Variants in SLC24A2 observed in about 807,000 individuals in gnomAD.
SLC24A2 encodes sodium/potassium/calcium exchanger 2.
In SLC24A2, 36 loss-of-function variants were observed where a neutral mutation model predicts 62.0. The ratio of observed to expected loss-of-function variants is 0.58; its 90% CI spans 0.44 to 0.77. The LOEUF is 0.77. Ranked by LOEUF, SLC24A2 falls within the 30% of genes least tolerant of loss-of-function variation. The pLI, the probability that SLC24A2 is intolerant of heterozygous loss-of-function variation, is 0.00. For missense variants in SLC24A2, 846 were observed against 817.9 expected (o/e 1.03, Z -0.42); for synonymous variants, 358 against 294.0 (o/e 1.22, Z -2.23).
At chr9:19,566,117 A>C (rs10757077) in intron 7 of SLC24A2, among the ~76,000 whole-genome samples, 1 of 152,076 alleles carries the variant, frequency 6.6e-6, no homozygotes, top group Non-Finnish European at 1.5e-5. Context: ...TGACAAATGG[A>C]ATCGAATTAA....
At chr9:20,104,611 T>A in the SLC24A2 span, among the ~76,000 whole-genome samples, 3 of 151,936 alleles carry the variant, frequency 2.0e-5, no homozygotes, top group African/African-American at 7.3e-5. Flanking sequence ...GCTTCATAAG[T>A]GAAGGAGAAA....
At chr9:19,764,665 G>A (rs1822456801) in intron 2 of SLC24A2, among the ~76,000 whole-genome samples, 1 of 152,236 alleles carries the variant, frequency 6.6e-6, no homozygotes. Context: ...TAGTCAGAGA[G>A]ACTGTTATGA....
the SLC24A2 span, among the ~76,000 whole-genome samples, chr9:20,138,971 C>G: frequency 6.6e-6 from 1 of 152,332 alleles, no homozygotes; most frequent in East Asian, 1.9e-4. Context: ...GCCTCAAAAA[C>G]AGCTTAGAAA....
chr9:19,537,023 T>C (rs1176574644), intron 8 of SLC24A2, among the ~76,000 whole-genome samples: 1 of 147,748 alleles, frequency 6.8e-6, no homozygotes, highest in Non-Finnish European at 1.5e-5. Flanking sequence ...TCTGTTCATG[T>C]CCTTTGCCCA....
the SLC24A2 span, among the ~76,000 whole-genome samples, chr9:19,987,193 G>A: frequency 6.6e-6 from 1 of 152,086 alleles, no homozygotes; most frequent in East Asian, 1.9e-4. Flanking sequence ...GTTTAGTTGG[G>A]TCATGAGGGT....
intron 2 of SLC24A2, among the ~76,000 whole-genome samples, chr9:19,721,688 T>C (rs1015351189): frequency 6.6e-6 from 1 of 152,180 alleles, no homozygotes; most frequent in African/African-American, 2.4e-5. Flanking sequence ...CTTCATCACA[T>C]CATTCCTATG....
At chr9:19,608,077 C>T (rs1837041507) in intron 4 of SLC24A2, among the ~76,000 whole-genome samples, 1 of 152,190 alleles carries the variant, frequency 6.6e-6, no homozygotes, top group South Asian at 2.1e-4. Flanking sequence ...TATTAGTAGA[C>T]CACGGCCAGT....
At chr9:19,821,870 T>C in the SLC24A2 span, among the ~76,000 whole-genome samples, 1 of 152,166 alleles carries the variant, frequency 6.6e-6, no homozygotes, top group East Asian at 1.9e-4. Flanking sequence ...AATTATAACA[T>C]GTATACCTAC....
chr9:20,019,304 AAAGAAAGAAAGT>A, the SLC24A2 span, among the ~76,000 whole-genome samples: 3 of 146,936 alleles, frequency 2.0e-5, no homozygotes, highest in East Asian at 5.8e-4. Context: ...AGAAAGAAAG[AAAGAAAGAAAGT>A]GAGTGACTTG....
the SLC24A2 span, among the ~76,000 whole-genome samples, chr9:20,118,921 C>G: frequency 6.6e-6 from 1 of 152,098 alleles, no homozygotes; most frequent in Non-Finnish European, 1.5e-5. Context: ...AGATGTCACT[C>G]TCATGATTTC....
At chr9:20,205,385 A>G in the SLC24A2 span, among the ~76,000 whole-genome samples, 1 of 152,138 alleles carries the variant, frequency 6.6e-6, no homozygotes, top group Non-Finnish European at 1.5e-5. Context: ...GCAATGGTTT[A>G]CACCTGTAAT....
chr9:20,281,541 A>G, the SLC24A2 span, among the ~76,000 whole-genome samples: 8 of 152,192 alleles, frequency 5.3e-5, no homozygotes, highest in Non-Finnish European at 1.2e-4. Flanking sequence ...TTAACTTTGC[A>G]TATCTTCAAA....
chr9:19,543,746 G>C (rs1834403690), intron 8 of SLC24A2, among the ~76,000 whole-genome samples: 2 of 152,180 alleles, frequency 1.3e-5, no homozygotes, highest in African/African-American at 4.8e-5. Context: ...AGTTTTGAGT[G>C]AGTTTCTTAA....
chr9:20,006,282 T>C, the SLC24A2 span, among the ~76,000 whole-genome samples: 3 of 151,960 alleles, frequency 2.0e-5, no homozygotes, highest in Non-Finnish European at 4.4e-5. Flanking sequence ...TAATATGCAA[T>C]TAAATGTATA....
intron 5 of SLC24A2, among the ~76,000 whole-genome samples, chr9:19,593,452 G>A (rs756513290): frequency 1.3e-5 from 2 of 152,150 alleles, no homozygotes; most frequent in Non-Finnish European, 2.9e-5. Flanking sequence ...TTAGGGCTGA[G>A]GGAGACAGGG....
chr9:19,650,906 G>A (rs1390838096), intron 2 of SLC24A2, among the ~76,000 whole-genome samples: 1 of 151,822 alleles, frequency 6.6e-6, no homozygotes, highest in Admixed American at 6.6e-5. Context: ...CTGTTGGCAG[G>A]GTTGAAATGC....
intron 2 of SLC24A2, among the ~76,000 whole-genome samples, chr9:19,755,014 C>T (rs940376564): frequency 2.0e-5 from 3 of 152,148 alleles, no homozygotes; most frequent in Admixed American, 6.5e-5. Flanking sequence ...ACTGATATAC[C>T]TCTCTAACCT....
chr9:19,637,192 G>A (rs1331869084), intron 2 of SLC24A2, among the ~76,000 whole-genome samples: 1 of 152,208 alleles, frequency 6.6e-6, no homozygotes, highest in Non-Finnish European at 1.5e-5. Context: ...AGAGTAGAAG[G>A]CAGCACAGAG....
At chr9:19,992,907 G>A in the SLC24A2 span, among the ~76,000 whole-genome samples, 1 of 152,188 alleles carries the variant, frequency 6.6e-6, no homozygotes, top group African/African-American at 2.4e-5. Context: ...TCAGTGTGGG[G>A]TAGATTAACT....
Sources: gnomAD v4.1 joint callset for allele counts (sites outside exome capture counted in the v4.1 genomes callset) on GRCh38, gnomAD v4.1.1 for gene constraint, MANE v1.5 for transcripts, NCBI Gene and HGNC (gene_info 2026-07-23, HGNC 2026-07-21) for gene names.